The following IPO11 variants were observed in gnomAD, a reference collection of about 807,000 sequenced individuals.
IPO11 encodes the protein importin 11.
IPO11 carries 66 observed loss-of-function variants against 143.2 expected under a neutral mutation model. That is an observed-to-expected ratio of 0.46 (90% CI 0.38 to 0.57). The LOEUF (loss-of-function observed/expected upper bound fraction) is 0.57, where lower values mean the gene tolerates loss of function less well. Among genes scored for constraint, IPO11 ranks in the 20% least tolerant of loss-of-function variants. The probability of loss-of-function intolerance (pLI) is 0.00; values close to 1 mark genes in which losing one functional copy is unlikely to be tolerated. For synonymous variants in IPO11, 385 were observed against 377.8 expected, an observed-to-expected ratio of 1.02 and a Z score of -0.22; for missense variants, 1,026 against 1,141.0, an observed-to-expected ratio of 0.90 and a Z score of 1.45.
At chr5:62,483,729 A>G (rs1009977362) in intron 10 of IPO11, among the ~76,000 whole-genome samples, 2 of 152,132 alleles carry the variant, frequency 1.3e-5, no homozygotes, top group African/African-American at 4.8e-5. Context: ...AGAGAAACAC[A>G]TGCACACACC....
rs376979926 is a variant in IPO11 at position 62,489,328 on chromosome 5, G to A, written c.1336G>A (p.Ala446Thr). 4.5e-6 allele frequency: 7 copies of A among 1,566,884 alleles called. No individual in the cohort carries two copies. The highest frequency in any genetic ancestry group is 5.2e-6 in the Non-Finnish European group (6 of 1,151,168). The change falls in exon 14 of 30, where the codon GCA (alanine) becomes ACA (threonine). Residue 446 changes from alanine to threonine, a missense_variant. Ala to Thr is a moderately conservative substitution (Grantham distance 58). This residue lies in a region of IPO11 where 237 missense variants were observed against 288.0 expected (regional missense o/e 0.82). Transcript: ENST00000325324. Reference sequence around the variant, plus strand: ...ACCCACAAATGTGGAAGATATGAATGCACTGTTAATCAAAGATGCTGGTAT... The same window carrying A: ...ACCCACAAATGTGGAAGATATGAATACACTGTTAATCAAAGATGCTGGTAT... ...QGPTNVEDMNALLIKDAVYNA... is the reference protein window; with the variant it reads ...QGPTNVEDMNTLLIKDAVYNA...
chr5:62,443,382 AGTGTGTGTGTGT>A (rs4024083), intron 3 of IPO11: 3,317 of 159,538 alleles, frequency 0.021, 72 homozygotes, highest in African/African-American at 0.061. Context: ...TTTCCATTTG[AGTGTGTGTGTGT>A]GTGTGTGTGT....
intron 16 of IPO11, among the ~76,000 whole-genome samples, chr5:62,500,532 G>C (rs1017139363): frequency 4.6e-5 from 7 of 152,054 alleles, no homozygotes; most frequent in African/African-American, 1.4e-4. Flanking sequence ...GGGTCTTGCT[G>C]TGTCACCCAG....
chr5:62,507,182 A>C (rs2112266483), intron 19 of IPO11, among the ~76,000 whole-genome samples: 1 of 152,324 alleles, frequency 6.6e-6, no homozygotes, highest in East Asian at 1.9e-4. Flanking sequence ...TATTGTCTCA[A>C]ACAATTTGAG....
intron 27 of IPO11, chr5:62,579,321 A>AT: frequency 1.1e-6 from 1 of 886,600 alleles, no homozygotes; most frequent in Non-Finnish European, 1.8e-6. Flanking sequence ...TTAAAATAGA[A>AT]TACAGAAGTT....
intron 4 of IPO11, 115 bp from the exon 5 acceptor site, chr5:62,451,615 T>A: frequency 1.2e-6 from 1 of 804,096 alleles, no homozygotes. Context: ...TAAGCAGTCA[T>A]TCAGTGAAAT....
chr5:62,440,030 A>C (rs1264990540), intron 2 of IPO11, among the ~76,000 whole-genome samples: 1 of 152,160 alleles, frequency 6.6e-6, no homozygotes, highest in Non-Finnish European at 1.5e-5. Context: ...ATATTCCCAC[A>C]TTACTTCCAT....
chr5:62,504,582 G>C, intron 16 of IPO11, 85 bp from the exon 17 acceptor site: 1 of 754,952 alleles, frequency 1.3e-6, no homozygotes, highest in Non-Finnish European at 2.2e-6. Context: ...TACAGAAAGT[G>C]ATTTGGAATA....
chr5:62,574,489 A>G (rs1744248211), intron 27 of IPO11, among the ~76,000 whole-genome samples: 1 of 152,196 alleles, frequency 6.6e-6, no homozygotes, highest in Non-Finnish European at 1.5e-5. Flanking sequence ...AGTCTATCTC[A>G]GCAAAACCCA....
At chr5:62,592,041 G>T (rs1025558244) in intron 28 of IPO11, among the ~76,000 whole-genome samples, 1 of 152,030 alleles carries the variant, frequency 6.6e-6, no homozygotes, top group Non-Finnish European at 1.5e-5. Flanking sequence ...GTAGAGACGG[G>T]GTTTCTCCAT....
chr5:62,506,943 A>G (rs1741574593), intron 19 of IPO11, among the ~76,000 whole-genome samples: 1 of 152,190 alleles, frequency 6.6e-6, no homozygotes, highest in Non-Finnish European at 1.5e-5. Flanking sequence ...TGTGATTTGC[A>G]TTGTATTAGG....
intron 27 of IPO11, among the ~76,000 whole-genome samples, chr5:62,561,574 G>C (rs1349906607): frequency 6.6e-6 from 1 of 152,028 alleles, no homozygotes; most frequent in African/African-American, 2.4e-5. Context: ...TGTTTACATA[G>C]ATATATTAAA....
chr5:62,435,142 A>ATG lies in IPO11; in HGVS notation c.-6-2130_-6-2129dup, dbSNP rs1554047218. Among the ~76,000 whole-genome samples, 407 of 60,020 alleles carry ATG rather than the reference A, an allele frequency of 6.8e-3. 44 individuals are homozygous for ATG. Among genetic ancestry groups the ATG allele is most frequent in the African/African-American group, 0.029 (382 of 13,198 alleles). The allele number at this position is 60,020 out of a possible 152,430, so 39.4% of individuals were successfully genotyped here. On this transcript the variant is annotated intron_variant, in intron 1 of 29. Transcript: ENST00000325324. ...TGTATATATGTATATATATGTATAT[A>ATG]TGTATATATGTATATATATGTATAT...
chr5:62,506,044 A>G (rs1399322994), intron 18 of IPO11, among the ~76,000 whole-genome samples, 197 bp from the exon 19 acceptor site: 1 of 152,146 alleles, frequency 6.6e-6, no homozygotes, highest in Non-Finnish European at 1.5e-5. Flanking sequence ...AGCAATGAAG[A>G]AAGAAAACAC....
chr5:62,486,176 T>A (rs1746398897), intron 12 of IPO11, among the ~76,000 whole-genome samples: 1 of 151,868 alleles, frequency 6.6e-6, no homozygotes, highest in Admixed American at 6.6e-5. Context: ...GAGACGGGGT[T>A]TCATCTTGTT....
chr5:62,550,589 A>T, intron 25 of IPO11, 127 bp downstream of exon 25: 1 of 607,288 alleles, frequency 1.6e-6, no homozygotes, highest in South Asian at 3.4e-5. Flanking sequence ...TTAAATTTTC[A>T]GGGCGGTTAG....
chr5:62,437,893 G>A (rs1282930525), intron 2 of IPO11, among the ~76,000 whole-genome samples: 1 of 152,192 alleles, frequency 6.6e-6, no homozygotes, highest in East Asian at 1.9e-4. Flanking sequence ...ATGGGAAATG[G>A]TATAATTAAT....
In IPO11 at chr5:62,467,282, TG is replaced by T; in HGVS notation, c.649+20del. The T allele has an allele frequency of 6.3e-7, 1 of 1,599,914 alleles. No individual in the cohort carries two copies. Among genetic ancestry groups the T allele is most frequent in the Non-Finnish European group, 8.5e-7 (1 of 1,174,118 alleles). ...TTGAAAGGTACTATTAAGCTTGATA[TG>T]TTCATTTTTGAAATGAGATACCTCA... On this transcript the variant is annotated intron_variant, in intron 6 of 29. Coordinates refer to ENST00000325324, the MANE Select transcript of IPO11 (RefSeq NM_016338.5).
At chr5:62,527,328 CA>C (rs1742400932) in intron 21 of IPO11, among the ~76,000 whole-genome samples, 2 of 152,162 alleles carry the variant, frequency 1.3e-5, no homozygotes, top group South Asian at 4.1e-4. Flanking sequence ...CTAAGTCACA[CA>C]GTCTTTGTTG....
Sources: gnomAD v4.1 joint callset for allele counts (sites outside exome capture counted in the v4.1 genomes callset) on GRCh38, gnomAD v4.1.1 for gene constraint, gnomAD v4.1.1 regional missense constraint, MANE v1.5 for transcripts, NCBI Gene and HGNC (gene_info 2026-07-23, HGNC 2026-07-21) for gene names.